The following FHIP2A variants were observed in gnomAD, a reference collection of about 807,000 sequenced individuals.
The protein encoded by FHIP2A is family with sequence similarity 160 member B1.
In FHIP2A, 46 loss-of-function variants were observed where a neutral mutation model predicts 93.5. The ratio of observed to expected loss-of-function variants is 0.49; its 90% confidence interval spans 0.39 to 0.63. The LOEUF is 0.63. FHIP2A is among the 20% of genes least tolerant of loss of function. The pLI, the probability that FHIP2A is intolerant of heterozygous loss-of-function variation, is 0.00. For synonymous variants in FHIP2A, 332 were observed against 326.5 expected (o/e 1.02, Z -0.18); for missense variants, 769 against 909.7 (o/e 0.85, Z 1.99).
chr10:114,876,944 T>G (rs558625292), intron 16 of FHIP2A, among the ~76,000 whole-genome samples: 10 of 152,218 alleles, frequency 6.6e-5, no homozygotes, highest in African/African-American at 2.2e-4. Flanking sequence ...TATTTATTTT[T>G]TCTGTTAAGT....
At chr10:114,887,487 A>C (rs2083948767) in intron 16 of FHIP2A, among the ~76,000 whole-genome samples, 1 of 152,244 alleles carries the variant, frequency 6.6e-6, no homozygotes, top group African/African-American at 2.4e-5. Context: ...TTGGGAAACT[A>C]ACGCACAGAC....
chr10:114,826,076 A>T (rs2143009393), intron 1 of FHIP2A, among the ~76,000 whole-genome samples: 2 of 152,334 alleles, frequency 1.3e-5, no homozygotes, highest in Non-Finnish European at 2.9e-5. Flanking sequence ...AATGTATCTC[A>T]TGTTTTCTCA....
chr10:114,836,246 G>A lies in FHIP2A; in HGVS notation c.522G>A (p.Glu174=). 1 of 1,577,770 alleles carries A rather than the reference G, an allele frequency of 6.3e-7. No homozygotes were observed. Among genetic ancestry groups the A allele is most frequent in the South Asian group, 1.2e-5 (1 of 86,306 alleles). The part of the protein sequence containing the change: ...QDPYLVNFFL[E]NKMKSLASKG... ...CCTACCTGGTTAACTTTTTCCTAGAGGTATGATACACTTTTTATCAACTTT... is the reference window on the plus strand; with the variant it reads ...CCTACCTGGTTAACTTTTTCCTAGAAGTATGATACACTTTTTATCAACTTT... The change falls in exon 5 of 17, where the codon GAG becomes GAA. Residue 174 remains glutamate, a splice_region_variant and synonymous_variant. Transcript: ENST00000369248.
intron 5 of FHIP2A, among the ~76,000 whole-genome samples, chr10:114,840,133 A>C (rs1294842584): frequency 6.6e-6 from 1 of 152,160 alleles, no homozygotes; most frequent in African/African-American, 2.4e-5. Flanking sequence ...TCACACCTGT[A>C]ATCCTAGCAC....
At chr10:114,893,801 T>G (rs1458147595) in intron 16 of FHIP2A, among the ~76,000 whole-genome samples, 2 of 152,154 alleles carry the variant, frequency 1.3e-5, no homozygotes, top group African/African-American at 4.8e-5. Context: ...ATACATTCAT[T>G]GAAAATTTTG....
At chr10:114,826,983 A>G (rs1471178566) in intron 1 of FHIP2A, among the ~76,000 whole-genome samples, 2 of 152,114 alleles carry the variant, frequency 1.3e-5, no homozygotes, top group Non-Finnish European at 2.9e-5. Flanking sequence ...AACAAGAGCA[A>G]AACTCTGTCT....
Position 114,861,254 on chromosome 10 carries a change from A to G in FHIP2A, c.2112A>G (p.Arg704=). The G allele has an allele frequency of 6.2e-7, 1 of 1,614,176 alleles. No individual in the cohort carries two copies. The highest frequency in any genetic ancestry group is 1.1e-5 in the South Asian group (1 of 91,082). Residue 704 remains arginine, a synonymous_variant, in exon 16 of 17, where the codon CGA becomes CGG. Transcript: ENST00000369248. ...AGGTTGTTGGAGACCTTATGCTTCGAATCCAGCGTATTCAAGACTTTACTC... is the reference window on the plus strand; with the variant it reads ...AGGTTGTTGGAGACCTTATGCTTCGGATCCAGCGTATTCAAGACTTTACTC... The part of the protein sequence containing the change: ...IVRVVGDLML[R]IQRIQDFTPK...
chr10:114,875,920 G>GAA (rs1417117218), intron 16 of FHIP2A, among the ~76,000 whole-genome samples: 1 of 142,468 alleles, frequency 7.0e-6, no homozygotes, highest in East Asian at 2.0e-4. Context: ...GAGAAAGAAA[G>GAA]AAAGAAAGAA....
chr10:114,882,628 T>G (rs1376436515), intron 16 of FHIP2A, among the ~76,000 whole-genome samples: 2 of 152,118 alleles, frequency 1.3e-5, no homozygotes, highest in African/African-American at 4.8e-5. Flanking sequence ...ACACCAACAC[T>G]TTGGGAGGCC....
Position 114,848,630 on chromosome 10 carries a change from G to C in FHIP2A, c.1713-17G>C. The C allele has an allele frequency of 1.3e-6, 2 of 1,491,518 alleles. No homozygotes were observed. The highest frequency in any genetic ancestry group is 1.9e-6 in the Non-Finnish European group (2 of 1,075,496). 92.4% of individuals were successfully genotyped at this position (1,491,518 alleles called of 1,614,324 possible). A position where few individuals can be genotyped will look rare whatever the true frequency, so the allele number is the denominator to read the frequency against. On this transcript the variant is annotated splice_polypyrimidine_tract_variant and intron_variant, in intron 12 of 16. Coordinates refer to ENST00000369248, the MANE Select transcript of FHIP2A (RefSeq NM_020940.4). ...GCAAATGGACATCTTGCATAATTGT[G>C]GCCGTTTTCATTTAAGTTTTCTCTG...
intron 16 of FHIP2A, among the ~76,000 whole-genome samples, chr10:114,885,972 A>G (rs992893291): frequency 2.0e-5 from 3 of 152,230 alleles, no homozygotes; most frequent in Admixed American, 6.5e-5. Flanking sequence ...TGACATGGAC[A>G]TGGTTCCCTT....
rs760189379 is a variant in FHIP2A at position 114,835,591 on chromosome 10, A to G, written c.349A>G (p.Arg117Gly). The change falls in exon 4 of 17, where the codon AGA becomes GGA. Residue 117 changes from arginine to glycine, a missense_variant. By Grantham distance (125) the Arg-to-Gly change is moderately radical. Transcript: ENST00000369248. ...VLVFYTKLLG[R>G]IRQPLLPHIN... Reference sequence around the variant, plus strand: ...GGTTTTCTATACGAAACTTCTGGGAAGAATCCGGCAGCCACTACTTCCACA... The same window carrying G: ...GGTTTTCTATACGAAACTTCTGGGAGGAATCCGGCAGCCACTACTTCCACA... The G allele has an allele frequency of 2.5e-6, 4 of 1,613,412 alleles. No individual in the cohort carries two copies. The highest frequency in any genetic ancestry group is 2.2e-5 in the East Asian group (1 of 44,874).
At chr10:114,889,796 T>C (rs2083961570) in intron 16 of FHIP2A, among the ~76,000 whole-genome samples, 1 of 152,326 alleles carries the variant, frequency 6.6e-6, no homozygotes, top group Admixed American at 6.5e-5. Flanking sequence ...GGGTTGCTCC[T>C]CTGGTGGATC....
In FHIP2A at chr10:114,862,708, C is replaced by G. The variant is rs1237710510; in HGVS notation, c.*1168C>G. On this transcript the variant is annotated 3_prime_UTR_variant, in exon 17 of 17. Coordinates refer to ENST00000369248, the MANE Select transcript of FHIP2A (RefSeq NM_020940.4). ...ACTTGATTGACAAAATCGTGTTTGCCAGTCCACTTTCTATTTTTCCTTTAA... is the reference window on the plus strand; with the variant it reads ...ACTTGATTGACAAAATCGTGTTTGCGAGTCCACTTTCTATTTTTCCTTTAA... 2 of 985,442 alleles carry G rather than the reference C, an allele frequency of 2.0e-6. No individual in the cohort carries two copies. Among genetic ancestry groups the G allele is most frequent in the Non-Finnish European group, 2.4e-6 (2 of 830,062 alleles). 61.0% of individuals were successfully genotyped at this position (985,442 alleles called of 1,614,324 possible).
At chr10:114,893,321 T>C (rs1365788473) in intron 16 of FHIP2A, among the ~76,000 whole-genome samples, 1 of 152,240 alleles carries the variant, frequency 6.6e-6, no homozygotes, top group Non-Finnish European at 1.5e-5. Context: ...CGGTAACAAG[T>C]ACCATTATAA....
chr10:114,833,498 A>G, intron 3 of FHIP2A, 96 bp downstream of exon 3: 1 of 1,139,120 alleles, frequency 8.8e-7, no homozygotes, highest in Non-Finnish European at 1.3e-6. Context: ...ATAAAGGTAC[A>G]TATTGAACAT....
At chr10:114,891,500 G>C (rs1487587853) in intron 16 of FHIP2A, among the ~76,000 whole-genome samples, 1 of 150,464 alleles carries the variant, frequency 6.6e-6, no homozygotes. Context: ...CAAATAATAA[G>C]ATACCTGAAA....
At chr10:114,859,541 C>T (rs956422080) in intron 14 of FHIP2A, among the ~76,000 whole-genome samples, 1 of 152,180 alleles carries the variant, frequency 6.6e-6, no homozygotes, top group Non-Finnish European at 1.5e-5. Context: ...TTCTCTGCAG[C>T]CTCCTCACTG....
chr10:114,859,743 T>TA (rs1214663152), intron 14 of FHIP2A, among the ~76,000 whole-genome samples: 1 of 152,198 alleles, frequency 6.6e-6, no homozygotes. Flanking sequence ...AGAATTCAAG[T>TA]AAAATCACGA....
Sources: allele counts gnomAD v4.1 joint callset (sites outside exome capture counted in the v4.1 genomes callset), GRCh38; gene constraint gnomAD v4.1.1; transcripts MANE v1.5; gene names NCBI Gene and HGNC (gene_info 2026-07-23, HGNC 2026-07-21).